Variants in GRIA3 observed in about 807,000 individuals in gnomAD.
The protein encoded by GRIA3 is glutamate ionotropic receptor AMPA type subunit 3, also known as glutamate receptor 3.
In GRIA3, 3 loss-of-function variants were observed where a neutral mutation model predicts 63.0. The ratio of observed to expected loss-of-function variants is 0.05; its 90% CI spans 0.02 to 0.12. The LOEUF (loss-of-function observed/expected upper bound fraction) is 0.12. GRIA3 is among the 10% of genes least tolerant of loss of function. The pLI, the probability that GRIA3 is intolerant of heterozygous loss-of-function variation, is 1.00. For synonymous variants in GRIA3, 274 were observed against 257.9 expected (o/e 1.06, Z -0.60); for missense variants, 347 against 700.9 (o/e 0.50, Z 5.70).
At chrX:123,204,893 T>C (rs1451667906) in intron 2 of GRIA3, among the ~76,000 whole-genome samples, 1 of 111,677 alleles carries the variant, frequency 9.0e-6, no homozygotes, top group East Asian at 2.8e-4. Flanking sequence ...CCCTCAGTCT[T>C]TGGTGGAAAA....
intron 2 of GRIA3, among the ~76,000 whole-genome samples, chrX:123,250,494 C>T (rs1381019649): frequency 9.0e-6 from 1 of 111,599 alleles, no homozygotes; most frequent in Non-Finnish European, 1.9e-5. Flanking sequence ...AGTTTATATT[C>T]CCCCTCAATT....
At position 123,244,637 on chromosome X, in the gene GRIA3, C is replaced by G. The variant is rs1453794095; in HGVS notation, c.269-8666C>G. On this transcript the variant is annotated intron_variant, in intron 2 of 15. Coordinates refer to ENST00000620443, the MANE Select transcript of GRIA3 (RefSeq NM_007325.5). Reference sequence around the variant, plus strand: ...TTTGGTTCTCAATGTGGGAGATGAGCTATGTTGCCCTCCTGAGGGATATTT... The same window carrying G: ...TTTGGTTCTCAATGTGGGAGATGAGGTATGTTGCCCTCCTGAGGGATATTT... Among the ~76,000 whole-genome samples, 19 of 112,361 alleles carry G rather than the reference C, an allele frequency of 1.7e-4. No homozygotes were observed. In the Admixed American group the frequency reaches 1.8e-3, roughly 11 times the overall value.
At chrX:123,463,682 AAGAGAG>A (rs1406949025) in intron 12 of GRIA3, among the ~76,000 whole-genome samples, 26 of 40,596 alleles carry the variant, frequency 6.4e-4, no homozygotes, top group Non-Finnish European at 6.3e-4. Flanking sequence ...GAAAGAAAGA[AAGAGAG>A]AGAAAGAAAG....
intron 3 of GRIA3, among the ~76,000 whole-genome samples, chrX:123,312,600 G>C (rs1314603597): frequency 8.9e-6 from 1 of 111,733 alleles, no homozygotes; most frequent in East Asian, 2.8e-4. Context: ...AGCTAGATTT[G>C]AGGAGGAAGA....
intron 13 of GRIA3, among the ~76,000 whole-genome samples, chrX:123,478,237 T>A (rs1218219303): frequency 1.8e-5 from 2 of 112,021 alleles, no homozygotes; most frequent in East Asian, 5.6e-4. Flanking sequence ...ATCGATGGCC[T>A]GTCTGTCATT....
intron 13 of GRIA3, among the ~76,000 whole-genome samples, chrX:123,467,285 A>C (rs141235143): frequency 2.4e-4 from 27 of 112,515 alleles, no homozygotes; most frequent in Admixed American, 6.6e-4. Flanking sequence ...TGCTTCCCTG[A>C]GGCGAGAAAG....
intron 2 of GRIA3, among the ~76,000 whole-genome samples, chrX:123,230,141 T>C (rs992533332): frequency 8.9e-6 from 1 of 112,161 alleles, no homozygotes; most frequent in Admixed American, 9.4e-5. Context: ...TGTGGAGTAG[T>C]TCCAGATGGT....
intron 2 of GRIA3, among the ~76,000 whole-genome samples, chrX:123,226,737 A>T (rs773141797): frequency 2.9e-4 from 33 of 111,958 alleles, no homozygotes; most frequent in African/African-American, 9.7e-4. Flanking sequence ...ATAATAATTA[A>T]AAGGCAGAGA....
intron 3 of GRIA3, among the ~76,000 whole-genome samples, chrX:123,318,035 T>G (rs1025168319): frequency 8.9e-6 from 1 of 112,668 alleles, no homozygotes; most frequent in South Asian, 3.7e-4. Context: ...CAACACCACA[T>G]GGAAGCCGCC....
At chrX:123,438,041 C>G (rs1436907931) in intron 12 of GRIA3, among the ~76,000 whole-genome samples, 1 of 112,078 alleles carries the variant, frequency 8.9e-6, no homozygotes, top group Non-Finnish European at 1.9e-5. Context: ...TTTAAGCACA[C>G]AATTCAGTGG....
chrX:123,397,662 T>C (rs2045421747), intron 6 of GRIA3, among the ~76,000 whole-genome samples: 1 of 112,179 alleles, frequency 8.9e-6, no homozygotes, highest in Non-Finnish European at 1.9e-5. Flanking sequence ...GAAAAGCTAA[T>C]TGATAGTTGT....
At chrX:123,304,239 A>C (rs2044741687) in intron 3 of GRIA3, among the ~76,000 whole-genome samples, 1 of 110,491 alleles carries the variant, frequency 9.1e-6, no homozygotes, top group Non-Finnish European at 1.9e-5. Context: ...AACAACAACA[A>C]AAAGACTTCT....
intron 3 of GRIA3, among the ~76,000 whole-genome samples, chrX:123,283,406 GC>G: frequency 9.0e-6 from 1 of 110,876 alleles, no homozygotes; most frequent in Non-Finnish European, 1.9e-5. Context: ...ACCATTCACT[GC>G]CCTGGAAAGG....
At chrX:123,196,255 T>C (rs183451270) in intron 2 of GRIA3, among the ~76,000 whole-genome samples, 22 of 111,740 alleles carry the variant, frequency 2.0e-4, no homozygotes, top group Admixed American at 1.4e-3. Flanking sequence ...AATAGTTGTC[T>C]GGAGTTGTAA....
intron 2 of GRIA3, among the ~76,000 whole-genome samples, chrX:123,201,571 A>C (rs184445648): frequency 9.0e-6 from 1 of 111,052 alleles, no homozygotes. Flanking sequence ...AAGAAAAAAG[A>C]TTCAAAGAGG....
chrX:123,455,278 C>A, intron 12 of GRIA3, among the ~76,000 whole-genome samples: 1 of 111,924 alleles, frequency 8.9e-6, no homozygotes, highest in Middle Eastern at 4.6e-3. Context: ...CAAAAGGACA[C>A]AGACAAGCAG....
chrX:123,390,492 T>C, intron 5 of GRIA3, among the ~76,000 whole-genome samples: 1 of 111,970 alleles, frequency 8.9e-6, no homozygotes, highest in East Asian at 2.8e-4. Flanking sequence ...GCCTATAACA[T>C]TTCTGCTGAG....
At chrX:123,245,091 G>A (rs183933841) in intron 2 of GRIA3, among the ~76,000 whole-genome samples, 5 of 112,210 alleles carry the variant, frequency 4.5e-5, no homozygotes, top group East Asian at 5.7e-4. Flanking sequence ...GTAGATACAC[G>A]TACCTTAGAG....
At chrX:123,338,772 G>A (rs747775099) in intron 4 of GRIA3, among the ~76,000 whole-genome samples, 3 of 111,406 alleles carry the variant, frequency 2.7e-5, no homozygotes, top group South Asian at 7.6e-4. Context: ...GGCTAGTGTC[G>A]AACTCCTGAC....
Sources: gnomAD v4.1 joint callset for allele counts (sites outside exome capture counted in the v4.1 genomes callset) on GRCh38, gnomAD v4.1.1 for gene constraint, MANE v1.5 for transcripts, NCBI Gene and HGNC (gene_info 2026-07-23, HGNC 2026-07-21) for gene names.